Variants in CYP4F8 observed in about 807,000 individuals in gnomAD.
The protein encoded by CYP4F8 is cytochrome P450 family 4 subfamily F member 8.
A neutral mutation model predicts 55.0 loss-of-function variants in CYP4F8; 56 were observed. That is an observed-to-expected ratio of 1.02 (90% confidence interval 0.82 to 1.27). CYP4F8 has a LOEUF of 1.27. CYP4F8 is among the 50% of genes most tolerant of loss of function. CYP4F8 has a pLI of 0.00. For synonymous variants in CYP4F8, 288 were observed against 267.3 expected, an observed-to-expected ratio of 1.08 and a Z score of -0.76; for missense variants, 680 against 682.4, an observed-to-expected ratio of 1.00 and a Z score of 0.04.
intron 9 of CYP4F8, chr19:15,627,187 G>A (rs1338649432): frequency 6.6e-6 from 1 of 152,110 alleles, no homozygotes; most frequent in Non-Finnish European, 1.5e-5. Context: ...AATTGACCTA[G>A]CTTGGATAGG....
At position 15,623,729 on chromosome 19, in the gene CYP4F8, G is replaced by T. The variant is rs768439849; in HGVS notation, c.949G>T (p.Asp317Tyr). Reference sequence around the variant, plus strand: ...AAATGGTAAAGAGTTGTCAGATGAGGACATAAGAGCAGAAGCTGACACTTT... The same window carrying T: ...AAATGGTAAAGAGTTGTCAGATGAGTACATAAGAGCAGAAGCTGACACTTT... ...DKNGKELSDE[D>Y]IRAEADTFMF... Residue 317 changes from aspartate to tyrosine, a missense_variant, in exon 8 of 13, where the codon GAC becomes TAC. Asp to Tyr is a radical substitution (Grantham distance 160). Transcript: ENST00000612078. 1.9e-6 allele frequency: 3 copies of T among 1,614,104 alleles called. No individual in the cohort carries two copies. In the African/African-American group the frequency reaches 4.0e-5, roughly 22 times the overall value.
intron 3 of CYP4F8, chr19:15,618,630 G>T: frequency 6.7e-6 from 2 of 298,404 alleles, no homozygotes; most frequent in Admixed American, 4.8e-5. Context: ...AGTGGGCATT[G>T]TTAGTATTCA....
At chr19:15,616,022 TCACTCACTCATTCCTCTGCG>T (rs1972113802) in intron 2 of CYP4F8, among the ~76,000 whole-genome samples, 2 of 148,436 alleles carry the variant, frequency 1.3e-5, no homozygotes, top group African/African-American at 2.5e-5. Flanking sequence ...ATTCCTCTCC[TCACTCACTCATTCCTCTGCG>T]CACTCACTCA....
chr19:15,626,593 A>G (rs1972264752), intron 9 of CYP4F8, among the ~76,000 whole-genome samples: 1 of 143,990 alleles, frequency 6.9e-6, no homozygotes, highest in South Asian at 2.2e-4. Flanking sequence ...ACATATTCAG[A>G]TATTGTTCTG....
Position 15,629,462 on chromosome 19 carries a change from CCCGCGGATGG to C in CYP4F8, c.*107_*116del. On this transcript the variant is annotated 3_prime_UTR_variant, in exon 13 of 13. Coordinates refer to ENST00000612078, the MANE Select transcript of CYP4F8 (RefSeq NM_007253.4). ...TCTGTGTTGGCCCCTGTGCCTCAGT[CCCGCGGATGG>C]CCAGTAGGGGGCGCTGGAGGACTGC... 7.1e-7 allele frequency: 1 copy of C among 1,412,606 alleles called. No individual in the cohort carries two copies. Among genetic ancestry groups the C allele is most frequent in the Non-Finnish European group, 9.3e-7 (1 of 1,075,564 alleles). The allele number at this position is 1,412,606 out of a possible 1,614,324, so 87.5% of individuals were successfully genotyped here.
chr19:15,622,725 G>A, intron 6 of CYP4F8: 1 of 377,986 alleles, frequency 2.6e-6, no homozygotes, highest in African/African-American at 2.1e-5. Context: ...GAGAGACATG[G>A]TCAGTACTGA....
intron 9 of CYP4F8, 45 bp downstream of exon 9, chr19:15,624,139 C>T: frequency 6.3e-7 from 1 of 1,598,974 alleles, no homozygotes; most frequent in Non-Finnish European, 8.5e-7. Flanking sequence ...CTTTCTGAGT[C>T]CTTCTCGTTG....
intron 2 of CYP4F8, among the ~76,000 whole-genome samples, chr19:15,617,483 C>CATCTATCT (rs71176449): frequency 0.047 from 7,020 of 149,596 alleles, 184 homozygotes; most frequent in East Asian, 0.072. Context: ...TCAATATCTA[C>CATCTATCT]ATCTATCTAT....
At chr19:15,623,915 C>G in intron 8 of CYP4F8, 50 bp from the exon 9 acceptor site, 1 of 1,607,156 alleles carries the variant, frequency 6.2e-7, no homozygotes, top group Non-Finnish European at 8.5e-7. Context: ...TGTCCACCCT[C>G]TGGGTGCTGA....
At chr19:15,626,371 G>A (rs536377751) in intron 9 of CYP4F8, among the ~76,000 whole-genome samples, 9 of 152,128 alleles carry the variant, frequency 5.9e-5, no homozygotes, top group Non-Finnish European at 1.2e-4. Context: ...CCAACCCTTG[G>A]CAACACCTAC....
At chr19:15,623,035 T>G in intron 6 of CYP4F8, 70 bp from the exon 7 acceptor site, 4 of 1,529,322 alleles carry the variant, frequency 2.6e-6, no homozygotes, top group Non-Finnish European at 2.7e-6. Context: ...CCTGGGATTC[T>G]GGCTGGAAGG....
intron 2 of CYP4F8, among the ~76,000 whole-genome samples, chr19:15,616,345 G>C (rs1461274561): frequency 6.6e-6 from 1 of 150,650 alleles, no homozygotes; most frequent in African/African-American, 2.5e-5. Context: ...GCCATGCCAA[G>C]CCTTTCTCAT....
At chr19:15,626,420 C>G (rs1458710241) in intron 9 of CYP4F8, among the ~76,000 whole-genome samples, 1 of 152,184 alleles carries the variant, frequency 6.6e-6, no homozygotes, top group Non-Finnish European at 1.5e-5. Context: ...TGAAGTGGTA[C>G]CTCGTTGTCA....
chr19:15,615,828 G>A lies in CYP4F8; in HGVS notation c.198+14G>A, dbSNP rs760427816. ...CACCTGGGCCTGGTGAGTGGCAGGA[G>A]GATGGATCTAGTGTCTCAGGGTGGA... On this transcript the variant is annotated intron_variant, in intron 2 of 12. Transcript: ENST00000612078. The A allele has an allele frequency of 4.4e-5, 71 of 1,604,036 alleles. No individual in the cohort carries two copies. In the South Asian group the frequency reaches 7.5e-4, roughly 17 times the overall value.
At chr19:15,626,184 T>C (rs1157791249) in intron 9 of CYP4F8, among the ~76,000 whole-genome samples, 1 of 152,256 alleles carries the variant, frequency 6.6e-6, no homozygotes, top group African/African-American at 2.4e-5. Context: ...ACCATCTTTG[T>C]GCATATCTCT....
Position 15,629,202 on chromosome 19 carries a change from C to A in CYP4F8, c.1407C>A (p.Ile469=). 6.2e-7 allele frequency: 1 copy of A among 1,608,030 alleles called. No homozygotes were observed. Among genetic ancestry groups the A allele is most frequent in the Non-Finnish European group, 8.5e-7 (1 of 1,177,286 alleles). ...IPFSAGPRNC[I]GQKFAMAEMK... is the part of the protein sequence containing the mutation. ...CCACCTTGGCCCCCAGGAACTGCAT[C>A]GGGCAGAAGTTCGCGATGGCAGAGA... The change falls in exon 13 of 13, where the codon ATC becomes ATA. Residue 469 remains isoleucine (I), a synonymous_variant. Coordinates refer to ENST00000612078, the MANE Select transcript of CYP4F8 (RefSeq NM_007253.4).
intron 5 of CYP4F8, among the ~76,000 whole-genome samples, chr19:15,620,284 T>C (rs567908675): frequency 1.3e-5 from 2 of 152,294 alleles, no homozygotes; most frequent in East Asian, 3.9e-4. Context: ...CTGGGACACC[T>C]GGACTTTTCT....
intron 5 of CYP4F8, among the ~76,000 whole-genome samples, chr19:15,620,927 C>T (rs531614864): frequency 6.6e-6 from 1 of 152,156 alleles, no homozygotes; most frequent in East Asian, 1.9e-4. Context: ...TAGCTTGTTA[C>T]TTTTGCATGG....
In CYP4F8 at chr19:15,622,450, T is replaced by C. The variant is rs1374275358; in HGVS notation, c.647+110T>C. On this transcript the variant is annotated intron_variant, in intron 6 of 12. Coordinates refer to ENST00000612078, the MANE Select transcript of CYP4F8 (RefSeq NM_007253.4). ...GCCTTCCTGGAGAGATGATGAGAAC[T>C]AGGCATTGAAGGACAAAGAAGGAGA... The C allele has an allele frequency of 2.8e-6, 4 of 1,425,750 alleles. No homozygotes were observed. The East Asian group carries it at 7.5e-5, about 27-fold the overall frequency. The allele number at this position is 1,425,750 out of a possible 1,614,324, so 88.3% of individuals were successfully genotyped here.
Sources: allele counts gnomAD v4.1 joint callset (sites outside exome capture counted in the v4.1 genomes callset), GRCh38; gene constraint gnomAD v4.1.1; transcripts MANE v1.5; gene names NCBI Gene and HGNC (gene_info 2026-07-23, HGNC 2026-07-21).